KRT15: variants seen among roughly 807,000 people sequenced by gnomAD.
KRT15 encodes keratin 15.
In KRT15, 45 loss-of-function variants were observed where a neutral mutation model predicts 46.6. The ratio of observed to expected loss-of-function variants is 0.97; its 90% confidence interval spans 0.76 to 1.24. The LOEUF is 1.24. Among genes scored for constraint, KRT15 ranks in the 50% most tolerant of loss-of-function variants. The pLI, the probability that KRT15 is intolerant of heterozygous loss-of-function variation, is 0.00. For missense variants in KRT15, 592 were observed against 588.9 expected (o/e 1.01, Z -0.05); for synonymous variants, 221 against 233.8 (o/e 0.95, Z 0.50).
intron 1 of KRT15, 165 bp from the exon 2 acceptor site, chr17:41,517,330 GC>G (rs1486557603): frequency 8.0e-6 from 5 of 626,408 alleles, no homozygotes; most frequent in Non-Finnish European, 1.4e-5. Context: ...GCAAAGTCCA[GC>G]CTCACTTTCA....
In KRT15 at chr17:41,518,660, T is replaced by A. The variant is rs756932756; in HGVS notation, c.168A>T (p.Ser56=). The A allele has an allele frequency of 1.9e-6, 3 of 1,604,604 alleles. No individual in the cohort carries two copies. Among genetic ancestry groups the A allele is most frequent in the Non-Finnish European group, 8.5e-7 (1 of 1,177,472 alleles). ...ASSARFVSSG[S]GGGYGGGMRV... ...TCATGCCACCCCCATATCCTCCTCC[T>A]GACCCTGAAGAGACAAACCTAGCAG... is the stretch of plus-strand genomic sequence containing the variant. Residue 56 remains serine, a synonymous_variant, in exon 1 of 8, where the codon TCA becomes TCT. Transcript: ENST00000254043.
In KRT15 at chr17:41,515,622, C is replaced by T; in HGVS notation, c.1097G>A (p.Gly366Glu). The T allele has an allele frequency of 6.2e-7, 1 of 1,614,198 alleles. No individual in the cohort carries two copies. Among genetic ancestry groups the T allele is most frequent in the Non-Finnish European group, 8.5e-7 (1 of 1,180,042 alleles). ...CTGGGCCTCCAGGCCACCAATGAGC[C>T]CCTGGATCTGCTGCAGCTGCGTGGC... ...RYATQLQQIQ[G>E]LIGGLEAQLS... The change falls in exon 6 of 8, where the codon GGG becomes GAG. Residue 366 changes from glycine to glutamate, a missense_variant. By Grantham distance (98) the Gly-to-Glu change is moderately conservative. Transcript: ENST00000254043.
chr17:41,515,754 G>T, intron 5 of KRT15, 62 bp from the exon 6 acceptor site: 1 of 1,596,864 alleles, frequency 6.3e-7, no homozygotes. Flanking sequence ...AGGGCAAGCA[G>T]GGAGGGGGCA....
rs562624944 is a variant in KRT15 at position 41,515,616 on chromosome 17, A to G, written c.1103T>C (p.Ile368Thr). ...ATQLQQIQGL[I>T]GGLEAQLSEL... ...ACTCAGCTGGGCCTCCAGGCCACCA[A>G]TGAGCCCCTGGATCTGCTGCAGCTG... The change falls in exon 6 of 8, where the codon ATT (isoleucine) becomes ACT (threonine). Residue 368 changes from isoleucine (I) to threonine (T), a missense_variant. Coordinates refer to ENST00000254043, the MANE Select transcript of KRT15 (RefSeq NM_002275.4). 120 of 1,614,140 alleles carry G rather than the reference A, an allele frequency of 7.4e-5. 1 individual carries two copies. In the South Asian group the frequency reaches 1.0e-3, roughly 14 times the overall value.
chr17:41,514,685 G>A lies in KRT15; in HGVS notation c.1248-11C>T, dbSNP rs1905273075. 2 of 1,613,306 alleles carry A rather than the reference G, an allele frequency of 1.2e-6. No individual in the cohort carries two copies. Among genetic ancestry groups the A allele is most frequent in the South Asian group, 2.2e-5 (2 of 90,974 alleles). On this transcript the variant is annotated splice_polypyrimidine_tract_variant and intron_variant, in intron 6 of 7. Coordinates refer to ENST00000254043, the MANE Select transcript of KRT15 (RefSeq NM_002275.4). ...GCAATGCCAGCCATCCTGAAAGAAA[G>A]AGGGAAGCTGATTTAAGCAAAGGGC...
rs377111328 is a variant in KRT15 at position 41,514,038 on chromosome 17, G to A, written c.1356C>T (p.His452=). The A allele has an allele frequency of 6.2e-6, 10 of 1,612,728 alleles. No homozygotes were observed. Among genetic ancestry groups the A allele is most frequent in the Non-Finnish European group, 8.5e-6 (10 of 1,178,798 alleles). ...ESVDGQVVSS[H]KREI ...CAATAGACACTTAGATTTCTCTCTT[G>A]TGGGAAGAAACCACCTGTCCATCCA... Residue 452 remains histidine (H), a synonymous_variant, in exon 8 of 8, where the codon CAC becomes CAT. Transcript: ENST00000254043.
chr17:41,516,912 A>G lies in KRT15; in HGVS notation c.634T>C (p.Leu212=), dbSNP rs1397030327. Residue 212 remains leucine (L), a synonymous_variant, in exon 3 of 8, where the codon TTG becomes CTG. Transcript: ENST00000254043. ...RQGVEADING[L]RRVLDELTLA... is the part of the protein sequence containing the mutation. ...GTCAGCTCATCCAGGACTCGGCGCA[A>G]GCCGTTGATGTCAGCCTCAACGCCC... 3.1e-6 allele frequency: 5 copies of G among 1,614,112 alleles called. No homozygotes were observed. The highest frequency in any genetic ancestry group is 4.2e-6 in the Non-Finnish European group (5 of 1,180,050).
chr17:41,514,928 AC>A (rs770427573), intron 6 of KRT15: 20 of 441,336 alleles, frequency 4.5e-5, no homozygotes, highest in Non-Finnish European at 7.3e-5. Flanking sequence ...GTGCAGTGGC[AC>A]GATCTCAGCC....
chr17:41,515,401 C>T, intron 6 of KRT15, 71 bp downstream of exon 6: 1 of 1,349,340 alleles, frequency 7.4e-7, no homozygotes, highest in Non-Finnish European at 1.1e-6. Flanking sequence ...CCCTGCCATT[C>T]CCTTAGGATG....
In KRT15 at chr17:41,518,736, C is replaced by T. The variant is rs1314733690; in HGVS notation, c.92G>A (p.Gly31Asp). Residue 31 changes from glycine to aspartate, a missense_variant, in exon 1 of 8, where the codon GGT becomes GAT. Physicochemically the swap from Gly to Asp is moderately conservative, Grantham distance 94. Coordinates refer to ENST00000254043, the MANE Select transcript of KRT15 (RefSeq NM_002275.4). ...GSLLAGGGGF[G>D]GGSLSGGGGS... ...ACCTCCCCCAGAGAGACTCCCCCCACCAAAGCCACCTCCCCCAGCCAGGAG... is the reference window on the plus strand; with the variant it reads ...ACCTCCCCCAGAGAGACTCCCCCCATCAAAGCCACCTCCCCCAGCCAGGAG... 3.7e-6 allele frequency: 6 copies of T among 1,609,262 alleles called. No individual in the cohort carries two copies. The highest frequency in any genetic ancestry group is 5.1e-6 in the Non-Finnish European group (6 of 1,177,696).
rs772272150 is a variant in KRT15, at chr17:41,518,536, C to G, written c.292G>C (p.Gly98Arg). 4 of 1,614,082 alleles carry G rather than the reference C, an allele frequency of 2.5e-6. No homozygotes were observed. Among genetic ancestry groups the G allele is most frequent in the Non-Finnish European group, 3.4e-6 (4 of 1,180,014 alleles). Residue 98 changes from glycine to arginine, a missense_variant, in exon 1 of 8, where the codon GGT becomes CGT. By Grantham distance (125) the Gly-to-Arg change is moderately radical. Transcript: ENST00000254043. ...TTCTCATTGCCAGAGAGGAGACCAC[C>G]ATCGCCACCACCAAAGCCACCACCA... ...GFGGGFGGGD[G>R]GLLSGNEKIT...
At chr17:41,516,316 G>A in intron 3 of KRT15, 51 bp from the exon 4 acceptor site, 1 of 1,568,430 alleles carries the variant, frequency 6.4e-7, no homozygotes, top group Non-Finnish European at 8.6e-7. Flanking sequence ...AGAGAGACCT[G>A]AGAGTCTGGC....
rs1905394033 is a variant in KRT15 at position 41,516,802 on chromosome 17, T to C, written c.738+6A>G. On this transcript the variant is annotated splice_donor_region_variant and intron_variant, in intron 3 of 7. Coordinates refer to ENST00000254043, the MANE Select transcript of KRT15 (RefSeq NM_002275.4). Reference sequence around the variant, plus strand: ...GGGTTCAGGGGTGATGGGGGCCAGCTCTCACCTCTTCGTGGTTCTTCTTCA... The same window carrying C: ...GGGTTCAGGGGTGATGGGGGCCAGCCCTCACCTCTTCGTGGTTCTTCTTCA... 6.2e-7 allele frequency: 1 copy of C among 1,614,100 alleles called. No homozygotes were observed. Among genetic ancestry groups the C allele is most frequent in the African/African-American group, 1.3e-5 (1 of 75,060 alleles).
chr17:41,514,285 A>G (rs943605246), intron 7 of KRT15, 165 bp from the exon 8 acceptor site: 1 of 626,124 alleles, frequency 1.6e-6, no homozygotes, highest in Non-Finnish European at 2.8e-6. Flanking sequence ...TCCTCATCAC[A>G]GAGATGGGCA....
intron 1 of KRT15, 65 bp from the exon 2 acceptor site, chr17:41,517,230 C>T (rs1237611205): frequency 7.3e-7 from 1 of 1,374,184 alleles, no homozygotes; most frequent in African/African-American, 1.4e-5. Flanking sequence ...CTGCTCTGCA[C>T]CCAAGGCCAG....
rs769732018 is a variant in KRT15, at chr17:41,518,606, A to G, written c.222T>C (p.Gly74=). The G allele has an allele frequency of 1.7e-5, 27 of 1,607,706 alleles. No homozygotes were observed. The African/African-American group carries it at 3.7e-4, about 22-fold the overall frequency. The change falls in exon 1 of 8, where the codon GGT becomes GGC. Residue 74 remains glycine (G), a synonymous_variant. Coordinates refer to ENST00000254043, the MANE Select transcript of KRT15 (RefSeq NM_002275.4). ...MRVCGFGGGA[G]SVFGGGFGGG... ...CTCCAAAGCCTCCACCGAAAACACT[A>G]CCAGCCCCTCCACCAAAGCCACAGA...
intron 7 of KRT15, chr17:41,514,431 G>A (rs535300790): frequency 1.2e-5 from 7 of 602,956 alleles, no homozygotes; most frequent in Non-Finnish European, 2.1e-5. Context: ...TGCCCTGAAT[G>A]AAGCCTACTC....
rs1417069166 is a variant in KRT15 at position 41,514,659 on chromosome 17, G to C, written c.1263C>G (p.Ala421=). The C allele has an allele frequency of 6.2e-7, 1 of 1,613,398 alleles. No homozygotes were observed. The highest frequency in any genetic ancestry group is 1.1e-5 in the South Asian group (1 of 91,044). The stretch of plus-strand genomic sequence containing the variant: ...GTAAAGCCTTCCTACCTTCCCTGAT[G>C]GCAATGCCAGCCATCCTGAAAGAAA... ...EGQDAKMAGI[A]IREASSGGGG... Residue 421 remains alanine (A), a synonymous_variant, in exon 7 of 8, where the codon GCC becomes GCG. Transcript: ENST00000254043.
chr17:41,517,337 T>A (rs1021384268), intron 1 of KRT15, 172 bp from the exon 2 acceptor site: 1 of 614,604 alleles, frequency 1.6e-6, no homozygotes, highest in African/African-American at 1.8e-5. Flanking sequence ...CCAGCCTCAC[T>A]TTCAGTGTCC....
Sources: allele counts gnomAD v4.1 joint callset, GRCh38; gene constraint gnomAD v4.1.1; transcripts MANE v1.5; gene names NCBI Gene and HGNC (gene_info 2026-07-23, HGNC 2026-07-21).